SLC14A2: variants seen among roughly 807,000 people sequenced by gnomAD.
SLC14A2 encodes urea transporter 2.
SLC14A2 carries 91 observed loss-of-function variants against 104.6 expected under a neutral mutation model. That is an observed-to-expected ratio of 0.87 (90% CI 0.73 to 1.04). SLC14A2 has a LOEUF of 1.04. SLC14A2 is among the 50% of genes least tolerant of loss of function. The probability of loss-of-function intolerance (pLI) is 0.00; values close to 1 mark genes in which losing one functional copy is unlikely to be tolerated. For missense variants in SLC14A2, 1,189 were observed against 1,156.0 expected, an observed-to-expected ratio of 1.03 and a Z score of -0.41; for synonymous variants, 476 against 466.4, an observed-to-expected ratio of 1.02 and a Z score of -0.27.
chr18:45,315,960 G>T (rs1305508892), intron 1 of SLC14A2, among the ~76,000 whole-genome samples: 2 of 152,196 alleles, frequency 1.3e-5, no homozygotes, highest in African/African-American at 4.8e-5. Flanking sequence ...CCCATGAATT[G>T]CCATCTGCAT....
chr18:45,641,382 C>A (rs371660316), intron 8 of SLC14A2, 39 bp downstream of exon 8: 30 of 1,610,824 alleles, frequency 1.9e-5, no homozygotes, highest in Non-Finnish European at 2.5e-5. Flanking sequence ...GTTATTCTGG[C>A]TATTCCTTCC....
At chr18:45,408,946 C>T (rs928210212) in intron 1 of SLC14A2, among the ~76,000 whole-genome samples, 5 of 152,128 alleles carry the variant, frequency 3.3e-5, no homozygotes, top group African/African-American at 9.7e-5. Context: ...GCACAACAGT[C>T]GTTTTATTAA....
intron 1 of SLC14A2, among the ~76,000 whole-genome samples, chr18:45,308,626 G>T (rs1240772986): frequency 1.3e-5 from 2 of 152,140 alleles, no homozygotes; most frequent in African/African-American, 4.8e-5. Flanking sequence ...CATCTGGGAG[G>T]TGATTCTCCT....
At chr18:45,476,819 T>A (rs573116679) in intron 1 of SLC14A2, among the ~76,000 whole-genome samples, 7 of 152,228 alleles carry the variant, frequency 4.6e-5, no homozygotes, top group Non-Finnish European at 7.3e-5. Flanking sequence ...GTGCTGTGTT[T>A]TTCAGCTCCG....
At chr18:45,409,569 G>A (rs924081599) in intron 1 of SLC14A2, among the ~76,000 whole-genome samples, 1 of 152,140 alleles carries the variant, frequency 6.6e-6, no homozygotes, top group Non-Finnish European at 1.5e-5. Flanking sequence ...AAACCGTAAA[G>A]TTTCACAAGA....
At chr18:45,196,629 G>A in the SLC14A2 span, among the ~76,000 whole-genome samples, 172 of 152,280 alleles carry the variant, frequency 1.1e-3, no homozygotes, top group African/African-American at 4.0e-3. Flanking sequence ...TAGACCATCT[G>A]AAGGTGCTCT....
intron 2 of SLC14A2, among the ~76,000 whole-genome samples, chr18:45,625,076 C>A (rs1376345374): frequency 6.6e-6 from 1 of 152,174 alleles, no homozygotes; most frequent in African/African-American, 2.4e-5. Flanking sequence ...TCCCCTTAAA[C>A]CTGCTCCCTT....
rs756056978 is a variant in SLC14A2, at chr18:45,669,353, T to TC, written c.2087dup (p.Val697SerfsTer63). On this transcript the variant is annotated frameshift_variant, in exon 16 of 20. Transcript: ENST00000255226. LOFTEE classifies it high-confidence loss of function. ...GGTACCATCTTCAGCAAGTGGGACC[T>TC]CCCAGTCTTCACACTGCCCTTCAAT... 1 of 1,614,108 alleles carries TC rather than the reference T, an allele frequency of 6.2e-7. No homozygotes were observed. The highest frequency in any genetic ancestry group is 2.2e-5 in the East Asian group (1 of 44,880).
chr18:45,669,437 C>T lies in SLC14A2; in HGVS notation c.2168C>T (p.Thr723Met), dbSNP rs763764183. 8.7e-6 allele frequency: 14 copies of T among 1,614,154 alleles called. No individual in the cohort carries two copies. Among genetic ancestry groups the T allele is most frequent in the East Asian group, 6.7e-5 (3 of 44,880 alleles). Residue 723 changes from threonine (T) to methionine (M), a missense_variant, in exon 16 of 20, where the codon ACG becomes ATG. By Grantham distance (81) the Thr-to-Met change is moderately conservative (BLOSUM62 -1). Coordinates refer to ENST00000255226, the MANE Select transcript of SLC14A2 (RefSeq NM_007163.4). ...CACTACAACCTTTTCTTCCCCACAA[C>T]GCTGCTGCAGCCTGCATCCGCCATG... ...TGHYNLFFPT[T>M]LLQPASAMPN...
At chr18:45,405,574 C>T (rs2144469831) in intron 1 of SLC14A2, among the ~76,000 whole-genome samples, 1 of 152,244 alleles carries the variant, frequency 6.6e-6, no homozygotes, top group Admixed American at 6.5e-5. Flanking sequence ...AAAAGATGTA[C>T]ATACCTTAAT....
chr18:45,432,841 A>G (rs1484134258), intron 1 of SLC14A2, among the ~76,000 whole-genome samples: 3 of 152,194 alleles, frequency 2.0e-5, no homozygotes, highest in Admixed American at 6.5e-5. Context: ...ACCCTGAGTC[A>G]TTAAATCTAA....
intron 1 of SLC14A2, among the ~76,000 whole-genome samples, chr18:45,368,144 T>C (rs975931513): frequency 7.9e-5 from 12 of 152,078 alleles, no homozygotes; most frequent in African/African-American, 2.7e-4. Context: ...ATGTTTTCCC[T>C]TTACCTAAGT....
At chr18:45,507,320 T>C (rs1004828532) in intron 2 of SLC14A2, 1 of 151,846 alleles carries the variant, frequency 6.6e-6, no homozygotes, top group Non-Finnish European at 1.5e-5. Context: ...TGCGCAGAGG[T>C]CAGATGAGAG....
At chr18:45,309,967 T>C (rs2085062231) in intron 1 of SLC14A2, among the ~76,000 whole-genome samples, 1 of 150,456 alleles carries the variant, frequency 6.6e-6, no homozygotes, top group Non-Finnish European at 1.5e-5. Flanking sequence ...TTCATAGCTG[T>C]CTATAGGTAT....
At chr18:45,194,460 G>A in the SLC14A2 span, among the ~76,000 whole-genome samples, 253 of 152,104 alleles carry the variant, frequency 1.7e-3, 1 homozygote, top group African/African-American at 5.9e-3. Context: ...TTGCTCATTC[G>A]TTTAGATTTT....
chr18:45,641,861 G>A (rs534999307), intron 8 of SLC14A2, among the ~76,000 whole-genome samples: 4 of 152,192 alleles, frequency 2.6e-5, no homozygotes, highest in Admixed American at 6.5e-5. Context: ...ATGGAAGCTC[G>A]ATTTCCATAA....
chr18:45,226,861 GT>G (rs1258419756), intron 1 of SLC14A2, among the ~76,000 whole-genome samples: 1 of 151,888 alleles, frequency 6.6e-6, no homozygotes, highest in Non-Finnish European at 1.5e-5. Context: ...TGGACTAATT[GT>G]CACTTAAATA....
intron 1 of SLC14A2, among the ~76,000 whole-genome samples, chr18:45,362,516 C>T (rs2085622632): frequency 6.6e-6 from 1 of 152,166 alleles, no homozygotes; most frequent in African/African-American, 2.4e-5. Context: ...ATGAAGAAAT[C>T]TACTAAAAAT....
chr18:45,215,296 C>T (rs563380644), intron 1 of SLC14A2, among the ~76,000 whole-genome samples: 1 of 152,300 alleles, frequency 6.6e-6, no homozygotes, highest in Non-Finnish European at 1.5e-5. Flanking sequence ...GCCTGTCTTA[C>T]ACACCAAGGA....
Sources: gnomAD v4.1 joint callset for allele counts (sites outside exome capture counted in the v4.1 genomes callset) on GRCh38, gnomAD v4.1.1 for gene constraint, MANE v1.5 for transcripts, NCBI Gene and HGNC (gene_info 2026-07-23, HGNC 2026-07-21) for gene names.